SOX5: variants seen among roughly 807,000 people sequenced by gnomAD.
The protein encoded by SOX5 is SRY-box transcription factor 5, also known as transcription factor SOX-5.
Under a neutral mutation model 92.0 loss-of-function variants are expected in SOX5, and 9 were observed. That is an observed-to-expected ratio of 0.10 (90% CI 0.06 to 0.17). SOX5 has a LOEUF of 0.17. Ranked by LOEUF, SOX5 falls within the 10% of genes least tolerant of loss-of-function variation. SOX5 has a pLI of 1.00. For missense variants in SOX5, 642 were observed against 944.5 expected (o/e 0.68, Z 4.20); for synonymous variants, 344 against 336.3 (o/e 1.02, Z -0.25).
At chr12:23,848,478 G>A (rs2096598177) in intron 2 of SOX5, among the ~76,000 whole-genome samples, 1 of 152,136 alleles carries the variant, frequency 6.6e-6, no homozygotes, top group Non-Finnish European at 1.5e-5. Context: ...TCACCTGCCT[G>A]ATTACATTTC....
intron 4 of SOX5, among the ~76,000 whole-genome samples, chr12:24,128,823 GT>G (rs1949365401): frequency 6.6e-6 from 1 of 152,306 alleles, no homozygotes; most frequent in Admixed American, 6.5e-5. Context: ...TCCTTGGGCT[GT>G]TGTGTAGGAA....
At chr12:23,977,041 C>T (rs191052425) in intron 4 of SOX5, among the ~76,000 whole-genome samples, 3 of 152,160 alleles carry the variant, frequency 2.0e-5, no homozygotes, top group South Asian at 2.1e-4. Context: ...TGTATTTAAC[C>T]TCATTATCCT....
chr12:23,673,442 A>G (rs1451766791), intron 6 of SOX5, among the ~76,000 whole-genome samples: 3 of 152,170 alleles, frequency 2.0e-5, no homozygotes, highest in Admixed American at 2.0e-4. Context: ...ATTTGCAAAT[A>G]CTGCTAGTAC....
intron 6 of SOX5, among the ~76,000 whole-genome samples, chr12:23,676,085 G>T (rs1044189246): frequency 8.5e-5 from 13 of 152,066 alleles, no homozygotes; most frequent in Non-Finnish European, 1.3e-4. Context: ...GTGAAAATGG[G>T]GAGATGTAGG....
intron 3 of SOX5, among the ~76,000 whole-genome samples, chr12:24,241,731 G>A (rs1594718442): frequency 3.3e-5 from 5 of 152,112 alleles, no homozygotes; most frequent in Admixed American, 2.0e-4. Flanking sequence ...AAGATCCCCA[G>A]CATGCAGCTC....
At chr12:24,485,686 T>C (rs1414783191) in intron 1 of SOX5, among the ~76,000 whole-genome samples, 1 of 152,218 alleles carries the variant, frequency 6.6e-6, no homozygotes, top group African/African-American at 2.4e-5. Flanking sequence ...TGGTAACTAT[T>C]ACTATTATGT....
intron 4 of SOX5, among the ~76,000 whole-genome samples, chr12:24,112,318 T>C (rs974626660): frequency 1.3e-5 from 2 of 152,156 alleles, no homozygotes; most frequent in African/African-American, 4.8e-5. Flanking sequence ...TGGTTATTCA[T>C]TTATGTACTA....
chr12:23,583,693 C>T (rs954457901), intron 9 of SOX5, among the ~76,000 whole-genome samples: 1 of 152,094 alleles, frequency 6.6e-6, no homozygotes, highest in Non-Finnish European at 1.5e-5. Context: ...AATAATCACA[C>T]CAGTTCCTCT....
intron 1 of SOX5, among the ~76,000 whole-genome samples, chr12:24,387,462 T>A (rs1019155660): frequency 6.6e-6 from 1 of 152,160 alleles, no homozygotes. Context: ...GCCAAAAGAT[T>A]GGATACCCCT....
chr12:24,495,085 G>A (rs775044650), intron 1 of SOX5, among the ~76,000 whole-genome samples: 4 of 152,132 alleles, frequency 2.6e-5, no homozygotes, highest in Non-Finnish European at 4.4e-5. Flanking sequence ...AATCCATCTT[G>A]TTTTCAATGA....
intron 6 of SOX5, among the ~76,000 whole-genome samples, chr12:23,714,956 T>G (rs1356673705): frequency 6.6e-6 from 1 of 152,138 alleles, no homozygotes; most frequent in Admixed American, 6.5e-5. Context: ...TAATTTTACA[T>G]AAGTAATTAA....
intron 6 of SOX5, among the ~76,000 whole-genome samples, chr12:23,716,099 G>C (rs2092476332): frequency 6.6e-6 from 1 of 152,166 alleles, no homozygotes; most frequent in African/African-American, 2.4e-5. Context: ...CACACGGGAA[G>C]TGTTGTGATG....
chr12:24,466,734 C>T (rs192048142), intron 1 of SOX5, among the ~76,000 whole-genome samples: 131 of 152,146 alleles, frequency 8.6e-4, no homozygotes, highest in Non-Finnish European at 1.3e-3. Flanking sequence ...CATGATTACC[C>T]ATGACATTTT....
At chr12:23,940,382 C>T (rs529594706) in intron 1 of SOX5, among the ~76,000 whole-genome samples, 272 of 151,268 alleles carry the variant, frequency 1.8e-3, no homozygotes, top group Non-Finnish European at 3.1e-3. Flanking sequence ...GACAGGTAAA[C>T]TGAAGTGCTT....
chr12:23,914,688 T>C lies in SOX5; in HGVS notation c.39-18664A>G, dbSNP rs2097393936. Among the ~76,000 whole-genome samples, 3 of 152,184 alleles carry C rather than the reference T, an allele frequency of 2.0e-5. 1 individual carries two copies. The South Asian group carries it at 6.2e-4, about 31-fold the overall frequency. ...TTACTAGTCTCATTATTAATTAAAG[T>C]AATTGTTTTTAAATTCTGTACTAGT... On this transcript the variant is annotated intron_variant, in intron 1 of 14. Transcript: ENST00000451604.
intron 1 of SOX5, among the ~76,000 whole-genome samples, chr12:24,398,926 G>T (rs889508757): frequency 6.6e-6 from 1 of 152,162 alleles, no homozygotes; most frequent in African/African-American, 2.4e-5. Context: ...GTGTCAGAAT[G>T]CTCCAGGGAG....
intron 3 of SOX5, among the ~76,000 whole-genome samples, chr12:24,248,560 T>C (rs1183120937): frequency 6.6e-6 from 1 of 152,196 alleles, no homozygotes; most frequent in African/African-American, 2.4e-5. Context: ...AATTTTTATA[T>C]TTTTAGTAGA....
At chr12:24,530,553 T>G (rs749068196) in intron 1 of SOX5, among the ~76,000 whole-genome samples, 12 of 152,216 alleles carry the variant, frequency 7.9e-5, no homozygotes, top group Non-Finnish European at 1.5e-4. Flanking sequence ...CTCAGGAGGC[T>G]GAGGCAGGAG....
intron 3 of SOX5, among the ~76,000 whole-genome samples, chr12:24,236,911 A>G (rs997995766): frequency 1.1e-5 from 1 of 92,536 alleles, no homozygotes; most frequent in African/African-American, 3.2e-5. Context: ...CCACAACTCA[A>G]AAAAAAAAAA....
Sources: allele counts gnomAD v4.1 joint callset (sites outside exome capture counted in the v4.1 genomes callset), GRCh38; gene constraint gnomAD v4.1.1; transcripts MANE v1.5; gene names NCBI Gene and HGNC (gene_info 2026-07-23, HGNC 2026-07-21).